XRCC4: variants seen among roughly 807,000 people sequenced by gnomAD.
XRCC4 encodes the protein X-ray repair cross complementing 4.
Under a neutral mutation model 39.1 loss-of-function variants are expected in XRCC4, and 28 were observed. That is an observed-to-expected ratio of 0.72 (90% CI 0.53 to 0.98). The LOEUF is 0.98. Among genes scored for constraint, XRCC4 ranks in the 50% least tolerant of loss-of-function variants. The pLI is 0.00. For synonymous variants in XRCC4, 123 were observed against 126.4 expected (o/e 0.97, Z 0.18); for missense variants, 350 against 376.4 (o/e 0.93, Z 0.58).
chr5:83,237,221 A>G (rs1177436812), intron 6 of XRCC4, among the ~76,000 whole-genome samples: 1 of 152,184 alleles, frequency 6.6e-6, no homozygotes, highest in African/African-American at 2.4e-5. Context: ...ATATACCTAA[A>G]AGAAAATAAA....
At chr5:83,306,600 T>TA (rs1272163811) in intron 7 of XRCC4, among the ~76,000 whole-genome samples, 1 of 152,230 alleles carries the variant, frequency 6.6e-6, no homozygotes, top group Non-Finnish European at 1.5e-5. Flanking sequence ...AATGCAGTAA[T>TA]ACAGTTCTCA....
Position 83,322,679 on chromosome 5 carries a change from G to A in XRCC4, c.894-30452G>A, listed in dbSNP as rs554832888. 2.6e-5 allele frequency among the ~76,000 whole-genome samples: 4 copies of A among 152,236 alleles called. No individual in the cohort carries two copies. In the South Asian group the frequency reaches 8.3e-4, roughly 32 times the overall value. On this transcript the variant is annotated intron_variant, in intron 7 of 7. Coordinates refer to ENST00000396027, the MANE Select transcript of XRCC4 (RefSeq NM_003401.5). ...ATAAGAGGGAGGCATAGAGAGATTT[G>A]GCACAGACAGAGAAGAAGGCAAAGT...
At chr5:83,221,683 G>T (rs1752088440) in intron 6 of XRCC4, among the ~76,000 whole-genome samples, 1 of 151,914 alleles carries the variant, frequency 6.6e-6, no homozygotes, top group Non-Finnish European at 1.5e-5. Context: ...AGCAAATAAA[G>T]CAGGAGAACA....
At chr5:83,351,405 T>G (rs1757078955) in intron 7 of XRCC4, among the ~76,000 whole-genome samples, 1 of 152,184 alleles carries the variant, frequency 6.6e-6, no homozygotes, top group South Asian at 2.1e-4. Flanking sequence ...GTTTTTCCAT[T>G]TCTTACTTTT....
intron 6 of XRCC4, among the ~76,000 whole-genome samples, chr5:83,253,500 G>T (rs936716478): frequency 1.3e-5 from 2 of 151,418 alleles, no homozygotes; most frequent in Non-Finnish European, 2.9e-5. Flanking sequence ...GTATGTTTGT[G>T]TGTGTGTGTG....
intron 6 of XRCC4, among the ~76,000 whole-genome samples, chr5:83,243,773 A>C (rs981885657): frequency 1.3e-5 from 2 of 152,194 alleles, no homozygotes; most frequent in African/African-American, 4.8e-5. Context: ...TGGATAAAGG[A>C]AGCAAGAGAT....
intron 7 of XRCC4, among the ~76,000 whole-genome samples, chr5:83,278,253 C>T (rs1754405066): frequency 2.0e-5 from 3 of 152,178 alleles, no homozygotes; most frequent in Admixed American, 2.0e-4. Flanking sequence ...TTCACTCCCA[C>T]TAAATATGCA....
chr5:83,154,778 A>G (rs948419702), intron 3 of XRCC4, among the ~76,000 whole-genome samples: 1 of 152,072 alleles, frequency 6.6e-6, no homozygotes, highest in African/African-American at 2.4e-5. Context: ...TGACAAACCT[A>G]TTGGACAAAT....
chr5:83,236,501 G>A (rs77841936), intron 6 of XRCC4, among the ~76,000 whole-genome samples: 7 of 151,922 alleles, frequency 4.6e-5, no homozygotes, highest in African/African-American at 7.3e-5. Flanking sequence ...GGGAAAATTG[G>A]ATATCTATAT....
At chr5:83,098,305 T>A (rs549370803) in intron 1 of XRCC4, among the ~76,000 whole-genome samples, 39 of 152,254 alleles carry the variant, frequency 2.6e-4, no homozygotes, top group African/African-American at 8.7e-4. Flanking sequence ...TATTACAAGT[T>A]TTTGAATAAG....
At chr5:83,333,543 G>A (rs1331575721) in intron 7 of XRCC4, among the ~76,000 whole-genome samples, 1 of 151,998 alleles carries the variant, frequency 6.6e-6, no homozygotes, top group Non-Finnish European at 1.5e-5. Flanking sequence ...ATCTGTAATA[G>A]GTCATGTGAC....
At chr5:83,351,245 C>T (rs895021415) in intron 7 of XRCC4, among the ~76,000 whole-genome samples, 1 of 152,170 alleles carries the variant, frequency 6.6e-6, no homozygotes, top group African/African-American at 2.4e-5. Context: ...AACTGTGAGC[C>T]AATTAAACCT....
intron 5 of XRCC4, 73 bp downstream of exon 5, chr5:83,203,780 C>G (rs1751310103): frequency 6.5e-7 from 1 of 1,536,436 alleles, no homozygotes; most frequent in East Asian, 2.3e-5. Flanking sequence ...AGTTAATGAA[C>G]ATTAGATGCC....
chr5:83,295,790 C>T (rs1297559440), intron 7 of XRCC4, among the ~76,000 whole-genome samples: 2 of 152,006 alleles, frequency 1.3e-5, no homozygotes, highest in Admixed American at 1.3e-4. Flanking sequence ...GGATCCAGAT[C>T]ATGCAGAGCC....
intron 3 of XRCC4, among the ~76,000 whole-genome samples, chr5:83,129,829 C>G (rs939025414): frequency 1.8e-4 from 28 of 152,136 alleles, no homozygotes; most frequent in Non-Finnish European, 3.7e-4. Flanking sequence ...TATCCTGAGA[C>G]TTTGCTGAAG....
chr5:83,201,867 C>A (rs1751213329), intron 4 of XRCC4: 1 of 152,044 alleles, frequency 6.6e-6, no homozygotes, highest in Non-Finnish European at 1.5e-5. Flanking sequence ...CATGGTGAAA[C>A]CCTGTCTCTA....
At chr5:83,150,272 A>G (rs1748641767) in intron 3 of XRCC4, among the ~76,000 whole-genome samples, 1 of 152,136 alleles carries the variant, frequency 6.6e-6, no homozygotes, top group Admixed American at 6.5e-5. Flanking sequence ...TGTTACTCTG[A>G]TATCATTTTA....
chr5:83,176,498 G>A (rs1352808031), intron 3 of XRCC4, among the ~76,000 whole-genome samples: 2 of 152,270 alleles, frequency 1.3e-5, no homozygotes, highest in Admixed American at 1.3e-4. Context: ...AAGAAGGAAG[G>A]TTAAGTATGT....
chr5:83,100,822 G>C (rs554033339), intron 1 of XRCC4, among the ~76,000 whole-genome samples: 16 of 152,052 alleles, frequency 1.1e-4, no homozygotes, highest in African/African-American at 3.9e-4. Flanking sequence ...AGATTTTCCA[G>C]TAATTTTCAA....
Sources: allele counts gnomAD v4.1 joint callset (sites outside exome capture counted in the v4.1 genomes callset), GRCh38; gene constraint gnomAD v4.1.1; transcripts MANE v1.5; gene names NCBI Gene and HGNC (gene_info 2026-07-23, HGNC 2026-07-21).